DNAH2: variants seen among roughly 807,000 people sequenced by gnomAD.
DNAH2 encodes axonemal beta dynein heavy chain 2.
Under a neutral mutation model 523.5 loss-of-function variants are expected in DNAH2, and 323 were observed. The ratio of observed to expected loss-of-function variants is 0.62; its 90% confidence interval spans 0.56 to 0.68. The LOEUF is 0.68. Ranked by LOEUF, DNAH2 falls within the 30% of genes least tolerant of loss-of-function variation. The pLI is 0.00. For missense variants in DNAH2, 4,907 were observed against 5,701.5 expected (o/e 0.86, Z 4.49); for synonymous variants, 2,093 against 2,177.4 (o/e 0.96, Z 1.08).
intron 77 of DNAH2, among the ~76,000 whole-genome samples, chr17:7,827,955 GA>G (rs778503239): frequency 2.7e-5 from 4 of 145,738 alleles, no homozygotes; most frequent in Non-Finnish European, 4.5e-5. Flanking sequence ...GTTTGTTTGG[GA>G]TGGAGTCTCA....
chr17:7,785,003 A>G (rs1035599136), intron 39 of DNAH2, among the ~76,000 whole-genome samples: 2 of 152,198 alleles, frequency 1.3e-5, no homozygotes, highest in Non-Finnish European at 2.9e-5. Context: ...AATGCTTTTA[A>G]CAGACAGTGA....
At position 7,801,916 on chromosome 17, in the gene DNAH2, C is replaced by T. The variant is rs1239206617; in HGVS notation, c.8871C>T (p.His2957=). The T allele has an allele frequency of 1.2e-6, 2 of 1,614,118 alleles. No individual in the cohort carries two copies. Among genetic ancestry groups the T allele is most frequent in the Non-Finnish European group, 1.7e-6 (2 of 1,180,052 alleles). The change falls in exon 58 of 86, where the codon CAC becomes CAT. Residue 2957 remains histidine, a synonymous_variant. Transcript: ENST00000572933. The stretch of plus-strand genomic sequence containing the variant: ...TGGCCCAGATCTTTGTCACTATGCA[C>T]TGGTCAGTAGCTCAGTATTCCCAGA... ...RKVAQIFVTM[H]WSVAQYSQKM...
intron 24 of DNAH2, 106 bp downstream of exon 24, chr17:7,768,373 C>G: frequency 9.3e-7 from 1 of 1,070,858 alleles, no homozygotes; most frequent in Non-Finnish European, 1.4e-6. Flanking sequence ...CCCTCTCTTC[C>G]CCTCTGTCCA....
At position 7,802,026 on chromosome 17, in the gene DNAH2, G is replaced by C. The variant is rs8073196; in HGVS notation, c.8972+9G>C. On this transcript the variant is annotated intron_variant, in intron 58 of 85. Transcript: ENST00000572933. ...CTGTCTGGATATAAGAAGTATGAAG[G>C]GGGGCAGGGGATGTGCAGGGCCAGG... 432,013 of 1,613,706 alleles carry C rather than the reference G, an allele frequency of 0.27. 63,201 individuals are homozygous for C. The highest frequency in any genetic ancestry group is 0.3 in the Non-Finnish European group (357,761 of 1,179,862).
At chr17:7,827,071 A>G (rs1013332514) in intron 77 of DNAH2, among the ~76,000 whole-genome samples, 9 of 152,232 alleles carry the variant, frequency 5.9e-5, no homozygotes, top group African/African-American at 2.2e-4. Context: ...TTTCTCTGCA[A>G]CTTGCTTTTT....
Position 7,786,408 on chromosome 17 carries a change from G to A in DNAH2, c.6348+66G>A. ...AGTAGTAAGAAGACAATGGAGGGTG[G>A]GGGCCAGGGAGGACCTTGCAAGGCC... is the stretch of plus-strand genomic sequence containing the variant. On this transcript the variant is annotated intron_variant, in intron 40 of 85. Coordinates refer to ENST00000572933, the MANE Select transcript of DNAH2 (RefSeq NM_020877.5). The surrounding 1 kb of genome is among the most constrained non-coding windows in gnomAD (Gnocchi z 7.5). 1 of 1,561,300 alleles carries A rather than the reference G, an allele frequency of 6.4e-7. No homozygotes were observed. Among genetic ancestry groups the A allele is most frequent in the Non-Finnish European group, 8.7e-7 (1 of 1,151,938 alleles).
chr17:7,775,901 G>T, intron 30 of DNAH2, 123 bp from the exon 31 acceptor site: 2 of 1,311,382 alleles, frequency 1.5e-6, no homozygotes, highest in Non-Finnish European at 2.1e-6. Context: ...GCCAGCTGTT[G>T]GCCATTCCCG....
In DNAH2 at chr17:7,762,356, G is replaced by C. The variant is rs182560252; in HGVS notation, c.2978+1424G>C. Among the ~76,000 whole-genome samples the C allele has an allele frequency of 8.1e-5, 10 of 123,938 alleles. No individual in the cohort carries two copies. The East Asian group carries it at 1.4e-3, about 18-fold the overall frequency. 81.3% of individuals were successfully genotyped at this position (123,938 alleles called of 152,430 possible). A position where few individuals can be genotyped will look rare whatever the true frequency, so the allele number is the denominator to read the frequency against. ...CTTTTTTTTTTTTTTTTTTTTTTGAGACGGAGTCTCACTCTGTCGCCCATG... is the reference window on the plus strand; with the variant it reads ...CTTTTTTTTTTTTTTTTTTTTTTGACACGGAGTCTCACTCTGTCGCCCATG... On this transcript the variant is annotated intron_variant, in intron 18 of 85. Transcript: ENST00000572933.
In DNAH2 at chr17:7,775,262, T is replaced by C. The variant is rs531566409; in HGVS notation, c.4741T>C (p.Trp1581Arg). 3.1e-6 allele frequency: 5 copies of C among 1,612,838 alleles called. No individual in the cohort carries two copies. The African/African-American group carries it at 5.4e-5, about 17-fold the overall frequency. Residue 1581 changes from tryptophan to arginine, a missense_variant, in exon 30 of 86, where the codon TGG becomes CGG. This residue lies in a region of DNAH2 where 2,806 missense variants were observed against 3,190.8 expected (regional missense o/e 0.88). Coordinates refer to ENST00000572933, the MANE Select transcript of DNAH2 (RefSeq NM_020877.5). ...GCAGGTTGGAGGGCCCAGCAGCAAA[T>C]GGGAAGCTGTGGGGATGTTCTCGGG... ...IQKVGGPSSKWEAVGMFSGDG... is the reference protein window; with the variant it reads ...IQKVGGPSSKREAVGMFSGDG...
chr17:7,723,822 C>G (rs1171220737), intron 3 of DNAH2, 133 bp downstream of exon 3: 1 of 807,668 alleles, frequency 1.2e-6, no homozygotes, highest in South Asian at 1.5e-5. Context: ...TGTTAGCCTA[C>G]TCACCACAAA....
Position 7,819,070 on chromosome 17 carries a change from T to G in DNAH2, c.10815+7T>G. 6.2e-7 allele frequency: 1 copy of G among 1,601,910 alleles called. No individual in the cohort carries two copies. Among genetic ancestry groups the G allele is most frequent in the South Asian group, 1.1e-5 (1 of 90,660 alleles). The stretch of plus-strand genomic sequence containing the variant: ...CACTGACTTGGCGCGGGAGGTAAGC[T>G]CCCGGCCCTCCAGTCCTGCCTCCCA... On this transcript the variant is annotated splice_region_variant and intron_variant, in intron 71 of 85. Coordinates refer to ENST00000572933, the MANE Select transcript of DNAH2 (RefSeq NM_020877.5).
In DNAH2 at chr17:7,759,903, G is replaced by T. The variant is rs372631936; in HGVS notation, c.2750G>T (p.Arg917Leu). 1.2e-5 allele frequency: 20 copies of T among 1,614,066 alleles called. No individual in the cohort carries two copies. The Admixed American group carries it at 2.7e-4, about 22-fold the overall frequency. ...FCHLPDILTK[R>L]KLHREPIQTV... is the part of the protein sequence containing the mutation. ...CACCTCCCTGACATTCTCACCAAGC[G>T]CAAGTTACATCGTGAACCCATCCAA... The change falls in exon 17 of 86, where the codon CGC (arginine) becomes CTC (leucine). Residue 917 changes from arginine to leucine, a missense_variant. Physicochemically the swap from Arg to Leu is moderately radical, Grantham distance 102. Transcript: ENST00000572933.
rs775467891 is a variant in DNAH2 at position 7,757,100 on chromosome 17, G to C, written c.1914G>C (p.Leu638=). 2 of 1,614,024 alleles carry C rather than the reference G, an allele frequency of 1.2e-6. No individual in the cohort carries two copies. The highest frequency in any genetic ancestry group is 2.7e-5 in the African/African-American group (2 of 74,918). Residue 638 remains leucine (L), a synonymous_variant, in exon 13 of 86, where the codon CTG becomes CTC. Transcript: ENST00000572933. ...CTGCTCTCTCTCAAAGGTCCCTTCT[G>C]ATTCTCTTTGCGGAAATTGACTACT... ...MLDVNFDKSL[L]ILFAEIDYWE... is the part of the protein sequence containing the mutation.
In DNAH2 at chr17:7,763,825, T is replaced by C; in HGVS notation, c.2979-6T>C. ...ACATCCTAGCTGGGATCTGGGGCTCTTGCAGCTACACGGAAGTTGCTAATA... is the reference window on the plus strand; with the variant it reads ...ACATCCTAGCTGGGATCTGGGGCTCCTGCAGCTACACGGAAGTTGCTAATA... On this transcript the variant is annotated splice_region_variant and splice_polypyrimidine_tract_variant and intron_variant, in intron 18 of 85. Transcript: ENST00000572933. 1 of 1,613,808 alleles carries C rather than the reference T, an allele frequency of 6.2e-7. No individual in the cohort carries two copies. The highest frequency in any genetic ancestry group is 8.5e-7 in the Non-Finnish European group (1 of 1,180,012).
chr17:7,754,918 A>C lies in DNAH2; in HGVS notation c.1905-2173A>C. On this transcript the variant is annotated intron_variant, in intron 12 of 85. Coordinates refer to ENST00000572933, the MANE Select transcript of DNAH2 (RefSeq NM_020877.5). This position sits in a 1 kb window ranked among gnomAD's most constrained non-coding sequence, Gnocchi z 4.6. ...CCACCCACCCCGGGCTGCCGTCTGCATGGGGCTGGGGTCCTCCTGCGCTAT... is the reference window on the plus strand; with the variant it reads ...CCACCCACCCCGGGCTGCCGTCTGCCTGGGGCTGGGGTCCTCCTGCGCTAT... 1.9e-6 allele frequency: 1 copy of C among 540,030 alleles called. No homozygotes were observed. Among genetic ancestry groups the C allele is most frequent in the East Asian group, 3.0e-5 (1 of 33,834 alleles). The allele number at this position is 540,030 out of a possible 1,614,324, so 33.5% of individuals were successfully genotyped here. A position where few individuals can be genotyped will look rare whatever the true frequency, so the allele number is the denominator to read the frequency against.
intron 3 of DNAH2, among the ~76,000 whole-genome samples, chr17:7,725,054 AT>A (rs1303955706): frequency 4.8e-5 from 7 of 147,178 alleles, no homozygotes; most frequent in Non-Finnish European, 1.0e-4. Flanking sequence ...ATATGTTATG[AT>A]TTTGTATTAA....
Position 7,786,519 on chromosome 17 carries a change from G to C in DNAH2, c.6349-51G>C, listed in dbSNP as rs778813624. On this transcript the variant is annotated intron_variant, in intron 40 of 85. Coordinates refer to ENST00000572933, the MANE Select transcript of DNAH2 (RefSeq NM_020877.5). This position sits in a 1 kb window ranked among gnomAD's most constrained non-coding sequence, Gnocchi z 7.5. ...TACCTAAGAGGGGTCTGGAAATAAAGAGGGGTTTTTGTCCATCAGCAGCTA... is the reference window on the plus strand; with the variant it reads ...TACCTAAGAGGGGTCTGGAAATAAACAGGGGTTTTTGTCCATCAGCAGCTA... 7 of 1,550,680 alleles carry C rather than the reference G, an allele frequency of 4.5e-6. No homozygotes were observed. The Admixed American group carries it at 1.2e-4, about 26-fold the overall frequency.
chr17:7,778,363 C>T lies in DNAH2; in HGVS notation c.5435C>T (p.Thr1812Ile), dbSNP rs756254286. 1 of 1,614,236 alleles carries T rather than the reference C, an allele frequency of 6.2e-7. No homozygotes were observed. The highest frequency in any genetic ancestry group is 1.7e-5 in the Admixed American group (1 of 60,034). Residue 1812 changes from threonine to isoleucine, a missense_variant, in exon 35 of 86, where the codon ACC becomes ATC. Physicochemically the swap from Thr to Ile is moderately conservative, Grantham distance 89. Coordinates refer to ENST00000572933, the MANE Select transcript of DNAH2 (RefSeq NM_020877.5). ...KGPAGTGKTE[T>I]VKDLGKALGI... Reference sequence around the variant, plus strand: ...CCTGCAGGCACAGGCAAGACCGAGACCGTCAAGGACCTGGGCAAGGCCCTG... The same window carrying T: ...CCTGCAGGCACAGGCAAGACCGAGATCGTCAAGGACCTGGGCAAGGCCCTG...
chr17:7,822,542 A>G (rs1403201001), intron 73 of DNAH2, among the ~76,000 whole-genome samples: 1 of 151,742 alleles, frequency 6.6e-6, no homozygotes, highest in East Asian at 1.9e-4. Flanking sequence ...CTACCCCTCA[A>G]CACTCTCAGT....
Sources: gnomAD v4.1 joint callset for allele counts (sites outside exome capture counted in the v4.1 genomes callset) on GRCh38, gnomAD v4.1.1 for gene constraint, gnomAD v4.1.1 regional missense constraint, Gnocchi (gnomAD v3.1) non-coding constraint, MANE v1.5 for transcripts, NCBI Gene and HGNC (gene_info 2026-07-23, HGNC 2026-07-21) for gene names.